KMT2A: variants seen among roughly 807,000 people sequenced by gnomAD.
The protein encoded by KMT2A is lysine methyltransferase 2A, also known as histone-lysine N-methyltransferase 2A.
In KMT2A, 16 loss-of-function variants were observed where a neutral mutation model predicts 345.3. The observed-to-expected ratio is 0.05, with a 90% confidence interval of 0.03 to 0.07. The LOEUF is 0.07. Among genes scored for constraint, KMT2A ranks in the 10% least tolerant of loss-of-function variants. The pLI, the probability that KMT2A is intolerant of heterozygous loss-of-function variation, is 1.00. For missense variants in KMT2A, 3,272 were observed against 4,841.6 expected (o/e 0.68, Z 9.62); for synonymous variants, 1,599 against 1,778.6 (o/e 0.90, Z 2.54).
Position 118,491,823 on chromosome 11 carries a change from A to C in KMT2A, c.4899A>C (p.Ala1633=). The change falls in exon 15 of 36, where the codon GCA becomes GCC. Residue 1633 remains alanine, a synonymous_variant. Coordinates refer to ENST00000534358, the MANE Select transcript of KMT2A (RefSeq NM_001197104.2). This position sits in a 1 kb window ranked among gnomAD's most constrained non-coding sequence, Gnocchi z 4.2. ...TCVNCTERHP[A]EWRLALEKEL... The stretch of plus-strand genomic sequence containing the variant: ...TGAACTGTACTGAGCGGCACCCTGC[A>C]GAGTGGCGACTGGCCCTTGAAAAAG... The C allele has an allele frequency of 6.2e-7, 1 of 1,614,190 alleles. No homozygotes were observed. The highest frequency in any genetic ancestry group is 8.5e-7 in the Non-Finnish European group (1 of 1,180,010).
chr11:118,471,591 T>C, intron 2 of KMT2A, 71 bp from the exon 3 acceptor site: 1 of 1,062,292 alleles, frequency 9.4e-7, no homozygotes, highest in Admixed American at 2.5e-5. Flanking sequence ...TGCTAAGTTA[T>C]ATTCAGCTTA....
Position 118,504,674 on chromosome 11 carries a change from C to G in KMT2A, c.8782C>G (p.Leu2928Val). Residue 2928 changes from leucine (L) to valine (V), a missense_variant, in exon 27 of 36, where the codon CTA becomes GTA. Physicochemically the swap from Leu to Val is conservative, Grantham distance 32. Transcript: ENST00000534358. This position sits in a 1 kb window ranked among gnomAD's most constrained non-coding sequence, Gnocchi z 6.4. ...ISAEEQFELP[L>V]ELPSDLSVLT... ...AGCAGAGGAACAGTTTGAGTTGCCT[C>G]TAGAGCTACCATCTGATCTGTCTGT... is the stretch of plus-strand genomic sequence containing the variant. 3 of 1,614,186 alleles carry G rather than the reference C, an allele frequency of 1.9e-6. No individual in the cohort carries two copies. Among genetic ancestry groups the G allele is most frequent in the Non-Finnish European group, 1.7e-6 (2 of 1,180,026 alleles).
Position 118,496,054 on chromosome 11 carries a change from T to C in KMT2A, c.5557+161T>C, listed in dbSNP as rs1328912332. ...ATCATTAATTTTGCTTCACTTGAGG[T>C]GTTAATGAGGACTTGATATAAATAC... On this transcript the variant is annotated intron_variant, in intron 19 of 35. Transcript: ENST00000534358. This position sits in a 1 kb window ranked among gnomAD's most constrained non-coding sequence, Gnocchi z 4.7. 6.6e-6 allele frequency among the ~76,000 whole-genome samples: 1 copy of C among 152,232 alleles called. No homozygotes were observed. Among genetic ancestry groups the C allele is most frequent in the Non-Finnish European group, 1.5e-5 (1 of 68,050 alleles).
Position 118,472,562 on chromosome 11 carries a change from A to T in KMT2A, c.1403A>T (p.His468Leu). ...GAAAAATCAAGTGCAGCTTCTCAGCACTCCTCTCAAATGTCTTCAGACTCC... is the reference window on the plus strand; with the variant it reads ...GAAAAATCAAGTGCAGCTTCTCAGCTCTCCTCTCAAATGTCTTCAGACTCC... ...SSEKSSAASQ[H>L]SSQMSSDSSR... The change falls in exon 3 of 36, where the codon CAC (histidine) becomes CTC (leucine). Residue 468 changes from histidine to leucine, a missense_variant. This residue lies in a region of KMT2A where 180 missense variants were observed against 190.7 expected (regional missense o/e 0.94). Coordinates refer to ENST00000534358, the MANE Select transcript of KMT2A (RefSeq NM_001197104.2). The T allele has an allele frequency of 6.2e-7, 1 of 1,609,476 alleles. No individual in the cohort carries two copies. The highest frequency in any genetic ancestry group is 2.2e-5 in the East Asian group (1 of 44,790).
intron 28 of KMT2A, 78 bp downstream of exon 28, chr11:118,507,687 G>C: frequency 8.4e-7 from 1 of 1,196,124 alleles, no homozygotes; most frequent in Non-Finnish European, 1.2e-6. Context: ...CTTCCAGGCC[G>C]GGCGCAGTGG....
At chr11:118,451,237 G>A (rs1354348375) in intron 1 of KMT2A, among the ~76,000 whole-genome samples, 1 of 143,148 alleles carries the variant, frequency 7.0e-6, no homozygotes, top group African/African-American at 2.6e-5. Flanking sequence ...TTAGAGACAG[G>A]TTTTTGCTCT....
chr11:118,466,060 T>C (rs542027269), intron 1 of KMT2A, among the ~76,000 whole-genome samples: 2 of 152,332 alleles, frequency 1.3e-5, no homozygotes, highest in East Asian at 3.9e-4. Context: ...TTTTTTTATT[T>C]TAAAATTACT....
chr11:118,476,228 C>T lies in KMT2A; in HGVS notation c.3157-577C>T, dbSNP rs77546552. On this transcript the variant is annotated intron_variant, in intron 3 of 35. Coordinates refer to ENST00000534358, the MANE Select transcript of KMT2A (RefSeq NM_001197104.2). This position sits in a 1 kb window ranked among gnomAD's most constrained non-coding sequence, Gnocchi z 4.1. ...CTTTCATTTATAAGTTATTTCACCCCTACTTCTCTGATGATCAAGGAAATA... is the reference window on the plus strand; with the variant it reads ...CTTTCATTTATAAGTTATTTCACCCTTACTTCTCTGATGATCAAGGAAATA... 6.6e-6 allele frequency among the ~76,000 whole-genome samples: 1 copy of T among 152,174 alleles called. No individual in the cohort carries two copies. Among genetic ancestry groups the T allele is most frequent in the Non-Finnish European group, 1.5e-5 (1 of 68,030 alleles).
In KMT2A at chr11:118,491,127, C is replaced by G; in HGVS notation, c.4697-69C>G. The G allele has an allele frequency of 1.3e-6, 2 of 1,542,092 alleles. No individual in the cohort carries two copies. The highest frequency in any genetic ancestry group is 2.4e-5 in the South Asian group (2 of 82,612). ...TAGATTTAGATTGGGTTGGTAAATG[C>G]AAGTCGAGGGCCGTAAAAACACGGG... On this transcript the variant is annotated intron_variant, in intron 13 of 35. Coordinates refer to ENST00000534358, the MANE Select transcript of KMT2A (RefSeq NM_001197104.2). The surrounding 1 kb of genome is among the most constrained non-coding windows in gnomAD (Gnocchi z 4.2).
chr11:118,526,219 C>G lies in KMT2A; in HGVS notation c.*4047C>G, dbSNP rs1951079520. ...GAGAAAAATGCAGACATGGTGTCAC[C>G]TGGATTTTTTTCTGCCCATGAATGT... On this transcript the variant is annotated 3_prime_UTR_variant, in exon 36 of 36. Transcript: ENST00000534358. 4.6e-6 allele frequency: 1 copy of G among 217,874 alleles called. No individual in the cohort carries two copies. Among genetic ancestry groups the G allele is most frequent in the Non-Finnish European group, 9.2e-6 (1 of 108,438 alleles). 13.5% of individuals were successfully genotyped at this position (217,874 alleles called of 1,614,324 possible).
intron 31 of KMT2A, chr11:118,512,472 C>T (rs1387855114): frequency 6.0e-6 from 1 of 165,446 alleles, no homozygotes. Flanking sequence ...CACATCAGTA[C>T]TTCATTCCTT....
Position 118,504,384 on chromosome 11 carries a change from T to A in KMT2A, c.8492T>A (p.Leu2831His). The A allele has an allele frequency of 6.2e-7, 1 of 1,614,098 alleles. No homozygotes were observed. The highest frequency in any genetic ancestry group is 8.5e-7 in the Non-Finnish European group (1 of 1,180,004). The change falls in exon 27 of 36, where the codon CTC becomes CAC. Residue 2831 changes from leucine (L) to histidine (H), a missense_variant. Leu to His is a moderately conservative substitution (Grantham distance 99). Around this residue, in one of 27 missense-constraint regions of KMT2A, gnomAD observed 9 missense variants for 20.3 expected, o/e 0.44. Transcript: ENST00000534358. This position sits in a 1 kb window ranked among gnomAD's most constrained non-coding sequence, Gnocchi z 6.4. The part of the protein sequence containing the change: ...KNLLDTYNTE[L>H]LKSDSDNNNS... ...TTACTGGACACCTATAATACTGAGCTCCTGAAATCAGATTCAGACAATAAC... is the reference window on the plus strand; with the variant it reads ...TTACTGGACACCTATAATACTGAGCACCTGAAATCAGATTCAGACAATAAC...
rs1445762195 is a variant in KMT2A at position 118,476,763 on chromosome 11, A to G, written c.3157-42A>G. The G allele has an allele frequency of 1.3e-6, 2 of 1,537,866 alleles. No individual in the cohort carries two copies. Among genetic ancestry groups the G allele is most frequent in the African/African-American group, 1.4e-5 (1 of 72,562 alleles). ...TTGGCTTCGTTCAGTTATAATTTCA[A>G]CATGTATGGTTGTTATTGTTTTTGG... On this transcript the variant is annotated intron_variant, in intron 3 of 35. Coordinates refer to ENST00000534358, the MANE Select transcript of KMT2A (RefSeq NM_001197104.2). The surrounding 1 kb of genome is among the most constrained non-coding windows in gnomAD (Gnocchi z 4.1).
chr11:118,503,600 G>A lies in KMT2A; in HGVS notation c.7708G>A (p.Asp2570Asn), dbSNP rs1392523734. The A allele has an allele frequency of 1.2e-6, 2 of 1,614,036 alleles. No individual in the cohort carries two copies. The highest frequency in any genetic ancestry group is 1.7e-6 in the Non-Finnish European group (2 of 1,180,038). ...EPISASENPG[D>N]GPVAQPSPNN... ...AATTTCAGCCTCTGAAAATCCAGGA[G>A]ATGGTCCAGTGGCCCAACCAAGCCC... The change falls in exon 27 of 36, where the codon GAT becomes AAT. Residue 2570 changes from aspartate (D) to asparagine (N), a missense_variant. Asp to Asn is a conservative substitution (Grantham distance 23). Around this residue, in one of 27 missense-constraint regions of KMT2A, gnomAD observed 445 missense variants for 500.9 expected, o/e 0.89. Coordinates refer to ENST00000534358, the MANE Select transcript of KMT2A (RefSeq NM_001197104.2). This position sits in a 1 kb window ranked among gnomAD's most constrained non-coding sequence, Gnocchi z 5.3.
Position 118,478,032 on chromosome 11 carries a change from C to T in KMT2A, c.3400C>T (p.Pro1134Ser). 6.2e-7 allele frequency: 1 copy of T among 1,614,142 alleles called. No homozygotes were observed. The highest frequency in any genetic ancestry group is 8.5e-7 in the Non-Finnish European group (1 of 1,180,018). The change falls in exon 5 of 36, where the codon CCT (proline) becomes TCT (serine). Residue 1134 changes from proline (P) to serine (S), a missense_variant. Coordinates refer to ENST00000534358, the MANE Select transcript of KMT2A (RefSeq NM_001197104.2). ...TGCTCCACCCATCAAACCAATTAAA[C>T]CTGTCACTAGAAACAAGGCACCCCA... ...PLAPPIKPIK[P>S]VTRNKAPQEP...
intron 31 of KMT2A, chr11:118,512,226 C>A (rs1208939739): frequency 6.8e-6 from 4 of 590,740 alleles, no homozygotes; most frequent in Non-Finnish European, 1.2e-5. Context: ...AGTTGTATAA[C>A]CACCACTACT....
intron 1 of KMT2A, among the ~76,000 whole-genome samples, chr11:118,443,609 T>C (rs1167906813): frequency 6.6e-6 from 1 of 152,252 alleles, no homozygotes; most frequent in Non-Finnish European, 1.5e-5. Flanking sequence ...TTGAATTGAA[T>C]GTATTGCCCT....
intron 1 of KMT2A, among the ~76,000 whole-genome samples, chr11:118,468,071 C>G (rs1949879190): frequency 1.3e-5 from 2 of 151,924 alleles, no homozygotes; most frequent in Non-Finnish European, 2.9e-5. Flanking sequence ...TTTGTCCTTT[C>G]CAACTATAAC....
chr11:118,498,555 A>T lies in KMT2A; in HGVS notation c.5961+27A>T. The T allele has an allele frequency of 6.4e-7, 1 of 1,567,120 alleles. No homozygotes were observed. Among genetic ancestry groups the T allele is most frequent in the Non-Finnish European group, 8.6e-7 (1 of 1,164,374 alleles). On this transcript the variant is annotated intron_variant, in intron 22 of 35. Coordinates refer to ENST00000534358, the MANE Select transcript of KMT2A (RefSeq NM_001197104.2). The surrounding 1 kb of genome is among the most constrained non-coding windows in gnomAD (Gnocchi z 4.4). ...TGAGAGAGCTTTAGTTGCTTTAAAA[A>T]AAAAAAAAAAGACTTTTTTAGAGCA...
Sources: allele counts gnomAD v4.1 joint callset (sites outside exome capture counted in the v4.1 genomes callset), GRCh38; gene constraint gnomAD v4.1.1; regional missense constraint gnomAD v4.1.1; non-coding constraint Gnocchi (gnomAD v3.1); transcripts MANE v1.5; gene names NCBI Gene and HGNC (gene_info 2026-07-23, HGNC 2026-07-21).